Variants in GRM7 observed in about 807,000 individuals in gnomAD.
The protein encoded by GRM7 is glutamate metabotropic receptor 7.
In GRM7, 35 loss-of-function variants were observed where a neutral mutation model predicts 84.5. The observed-to-expected ratio is 0.41, with a 90% CI of 0.32 to 0.55. The LOEUF (loss-of-function observed/expected upper bound fraction) is 0.55. Among genes scored for constraint, GRM7 ranks in the 20% least tolerant of loss-of-function variants. The pLI, the probability that GRM7 is intolerant of heterozygous loss-of-function variation, is 0.19. For missense variants in GRM7, 1,003 were observed against 1,194.6 expected (o/e 0.84, Z 2.36); for synonymous variants, 487 against 455.1 (o/e 1.07, Z -0.89).
intron 4 of GRM7, among the ~76,000 whole-genome samples, chr3:7,354,337 A>C (rs1368923700): frequency 6.6e-6 from 1 of 152,046 alleles, no homozygotes; most frequent in Non-Finnish European, 1.5e-5. Flanking sequence ...TGATTAATGG[A>C]GTGTTACCTC....
In GRM7 at chr3:7,308,507, G is replaced by A. The variant is rs534270499; in HGVS notation, c.1033+1855G>A. On this transcript the variant is annotated intron_variant, in intron 4 of 9. Transcript: ENST00000357716. ...TGATTATGTGTCTGGAGGGATGGAGGAATCGCAGATCATATAAGGACATGG... is the reference window on the plus strand; with the variant it reads ...TGATTATGTGTCTGGAGGGATGGAGAAATCGCAGATCATATAAGGACATGG... Among the ~76,000 whole-genome samples the A allele has an allele frequency of 2.3e-4, 35 of 152,300 alleles. No homozygotes were observed. The South Asian group carries it at 6.8e-3, about 30-fold the overall frequency.
At chr3:7,082,865 C>T (rs1470667266) in intron 1 of GRM7, among the ~76,000 whole-genome samples, 1 of 152,016 alleles carries the variant, frequency 6.6e-6, no homozygotes. Context: ...AAAAGTGGAG[C>T]CTGAAGATGT....
chr3:7,591,402 C>A, intron 8 of GRM7: 1 of 415,870 alleles, frequency 2.4e-6, no homozygotes, highest in Non-Finnish European at 4.7e-6. Flanking sequence ...TGTGGGAAAA[C>A]GAATATTTTT....
At chr3:7,030,414 TCTCACAGATACACACATAAATCAAAA>T (rs1696147456) in intron 1 of GRM7, among the ~76,000 whole-genome samples, 1 of 152,202 alleles carries the variant, frequency 6.6e-6, no homozygotes, top group Non-Finnish European at 1.5e-5. Context: ...TTGGTGATTT[TCTCACAGATACACACATAAATCAAAA>T]CTCACTGAAT....
At chr3:7,147,764 T>C (rs934522780) in intron 2 of GRM7, among the ~76,000 whole-genome samples, 3 of 152,184 alleles carry the variant, frequency 2.0e-5, no homozygotes, top group African/African-American at 7.2e-5. Context: ...TCTGTGAAGA[T>C]CTGTGAGATT....
intron 4 of GRM7, among the ~76,000 whole-genome samples, chr3:7,336,276 G>T (rs114523685): frequency 4.6e-5 from 7 of 151,986 alleles, no homozygotes; most frequent in African/African-American, 1.7e-4. Flanking sequence ...CACATAAACA[G>T]AATTAAAAAC....
intron 1 of GRM7, among the ~76,000 whole-genome samples, chr3:7,117,588 C>T (rs758070763): frequency 2.6e-5 from 4 of 152,144 alleles, no homozygotes; most frequent in Non-Finnish European, 5.9e-5. Context: ...CACTTGAGTC[C>T]AATGCCTACC....
intron 4 of GRM7, among the ~76,000 whole-genome samples, chr3:7,348,908 G>T (rs976129555): frequency 6.6e-6 from 1 of 152,086 alleles, no homozygotes; most frequent in South Asian, 2.1e-4. Flanking sequence ...TAACATACAT[G>T]TAATTCTTTA....
chr3:7,080,077 T>C (rs867128750), intron 1 of GRM7, among the ~76,000 whole-genome samples: 1 of 152,206 alleles, frequency 6.6e-6, no homozygotes, highest in Middle Eastern at 3.4e-3. Context: ...TTCCTTATGC[T>C]TCCCCATTAG....
chr3:7,579,327 T>A lies in GRM7; in HGVS notation c.2421T>A (p.Ile807=), dbSNP rs776390338. Reference sequence around the variant, plus strand: ...TAGTATGGCTTGCCTTCATTCCAATTTTTTTTGGCACCGCTCAATCAGCGG... The same window carrying A: ...TAGTATGGCTTGCCTTCATTCCAATATTTTTTGGCACCGCTCAATCAGCGG... ...TCIVWLAFIP[I]FFGTAQSAEK... Residue 807 remains isoleucine (I), a synonymous_variant, in exon 8 of 10, where the codon ATT becomes ATA. Transcript: ENST00000357716. The A allele has an allele frequency of 3.2e-6, 5 of 1,567,248 alleles. No individual in the cohort carries two copies. In the African/African-American group the frequency reaches 5.4e-5, roughly 17 times the overall value.
chr3:7,680,431 G>A, intron 9 of GRM7, 136 bp downstream of exon 9: 1 of 803,678 alleles, frequency 1.2e-6, no homozygotes, highest in East Asian at 2.5e-5. Context: ...GTGAATGCCA[G>A]CTTCTGCTCT....
chr3:7,334,930 T>C (rs1701345906), intron 4 of GRM7, among the ~76,000 whole-genome samples: 1 of 152,028 alleles, frequency 6.6e-6, no homozygotes, highest in African/African-American at 2.4e-5. Flanking sequence ...CTACTAGACC[T>C]AAGAAATGAG....
At chr3:6,949,594 T>A (rs559287375) in intron 1 of GRM7, among the ~76,000 whole-genome samples, 1 of 151,748 alleles carries the variant, frequency 6.6e-6, no homozygotes, top group Non-Finnish European at 1.5e-5. Flanking sequence ...TGAATCTGAA[T>A]GTTGGCCTGA....
chr3:7,523,753 CACTGTTGCA>C (rs1700686671), intron 7 of GRM7, among the ~76,000 whole-genome samples: 1 of 152,036 alleles, frequency 6.6e-6, no homozygotes, highest in Non-Finnish European at 1.5e-5. Context: ...CTGGCATGGT[CACTGTTGCA>C]TTAGCATATA....
intron 1 of GRM7, among the ~76,000 whole-genome samples, chr3:7,063,906 C>G (rs1323152228): frequency 6.6e-6 from 1 of 151,656 alleles, no homozygotes; most frequent in Non-Finnish European, 1.5e-5. Context: ...ATATAATAGG[C>G]AAATCTGGAA....
chr3:7,241,272 CTA>C (rs1195229529), intron 2 of GRM7, among the ~76,000 whole-genome samples: 8 of 152,100 alleles, frequency 5.3e-5, no homozygotes, highest in Admixed American at 5.2e-4. Context: ...ATAAGGGTGT[CTA>C]TATGGACTAC....
intron 8 of GRM7, among the ~76,000 whole-genome samples, chr3:7,674,426 A>C (rs1700050214): frequency 6.6e-6 from 1 of 152,132 alleles, no homozygotes; most frequent in South Asian, 2.1e-4. Flanking sequence ...TCCTGACCTC[A>C]GGTGATCTGC....
chr3:7,480,788 A>C (rs1699098683), intron 7 of GRM7, among the ~76,000 whole-genome samples: 1 of 152,190 alleles, frequency 6.6e-6, no homozygotes, highest in African/African-American at 2.4e-5. Context: ...GGAAGTTACC[A>C]GAGCCTACCA....
At chr3:7,161,089 C>G (rs564623932) in intron 2 of GRM7, among the ~76,000 whole-genome samples, 1 of 152,228 alleles carries the variant, frequency 6.6e-6, no homozygotes, top group South Asian at 2.1e-4. Flanking sequence ...CTCTCAGGTT[C>G]TGTCTTCCCC....
Sources: allele counts gnomAD v4.1 joint callset (sites outside exome capture counted in the v4.1 genomes callset), GRCh38; gene constraint gnomAD v4.1.1; transcripts MANE v1.5; gene names NCBI Gene and HGNC (gene_info 2026-07-23, HGNC 2026-07-21).